Variants in B3GALT1 observed in about 807,000 individuals in gnomAD.
The protein encoded by B3GALT1 is beta-1,3-galactosyltransferase 1.
B3GALT1 carries 10 observed loss-of-function variants against 23.2 expected under a neutral mutation model. The observed-to-expected ratio is 0.43, with a 90% CI of 0.27 to 0.73. The LOEUF is 0.73. Ranked by LOEUF, B3GALT1 falls within the 30% of genes least tolerant of loss-of-function variation. The probability of loss-of-function intolerance (pLI) is 0.21; values close to 1 mark genes in which losing one functional copy is unlikely to be tolerated. For synonymous variants in B3GALT1, 156 were observed against 141.5 expected (o/e 1.10, Z -0.73); for missense variants, 299 against 405.4 (o/e 0.74, Z 2.25).
chr2:167,468,000 A>G (rs937758817), intron 1 of B3GALT1, among the ~76,000 whole-genome samples: 1 of 152,198 alleles, frequency 6.6e-6, no homozygotes, highest in African/African-American at 2.4e-5. Flanking sequence ...TAGTGCTTGA[A>G]AGAAGTAAAA....
At chr2:167,342,243 A>T (rs1332344173) in intron 1 of B3GALT1, among the ~76,000 whole-genome samples, 1 of 152,226 alleles carries the variant, frequency 6.6e-6, no homozygotes, top group Non-Finnish European at 1.5e-5. Flanking sequence ...GTCGAAGAAA[A>T]GTCAAAAGAT....
chr2:167,497,528 T>C (rs1699797718), intron 2 of B3GALT1, among the ~76,000 whole-genome samples: 2 of 152,148 alleles, frequency 1.3e-5, no homozygotes, highest in African/African-American at 4.8e-5. Context: ...TGTTCCTTCT[T>C]AGAAGTTCTG....
chr2:167,395,285 T>A (rs1172626823), intron 1 of B3GALT1, among the ~76,000 whole-genome samples: 1 of 152,070 alleles, frequency 6.6e-6, no homozygotes, highest in Non-Finnish European at 1.5e-5. Flanking sequence ...GTGATCAAGT[T>A]AAGGAACTTG....
chr2:167,746,991 T>C (rs1687662645), intron 3 of B3GALT1, among the ~76,000 whole-genome samples: 1 of 152,226 alleles, frequency 6.6e-6, no homozygotes, highest in African/African-American at 2.4e-5. Context: ...CTGCCCTTTT[T>C]CGCTCCCTTT....
At position 167,408,917 on chromosome 2, in the gene B3GALT1, A is replaced by G. The variant is rs11895022; in HGVS notation, c.-510-81260A>G. Among the ~76,000 whole-genome samples, 419 of 152,316 alleles carry G rather than the reference A, an allele frequency of 2.8e-3. 1 individual carries two copies. The highest frequency in any genetic ancestry group is 9.3e-3 in the African/African-American group (388 of 41,584). On this transcript the variant is annotated intron_variant, in intron 1 of 4. Coordinates refer to ENST00000392690, the MANE Select transcript of B3GALT1 (RefSeq NM_020981.4). Reference sequence around the variant, plus strand: ...TATTGCATGTTCATGGGTTGGAAGAATTAATATTGTGAAAATGGGCAATAC... The same window carrying G: ...TATTGCATGTTCATGGGTTGGAAGAGTTAATATTGTGAAAATGGGCAATAC...
At chr2:167,556,387 T>C (rs1273526061) in intron 2 of B3GALT1, among the ~76,000 whole-genome samples, 4 of 152,078 alleles carry the variant, frequency 2.6e-5, no homozygotes, top group Non-Finnish European at 4.4e-5. Flanking sequence ...TATTTATCTA[T>C]AATGAACAAT....
At chr2:167,767,493 C>T (rs1687997964) in intron 3 of B3GALT1, among the ~76,000 whole-genome samples, 1 of 152,140 alleles carries the variant, frequency 6.6e-6, no homozygotes, top group African/African-American at 2.4e-5. Flanking sequence ...TTTCAAACTG[C>T]TGTCTTATCC....
chr2:167,409,389 A>G (rs1298218355), intron 1 of B3GALT1, among the ~76,000 whole-genome samples: 1 of 152,158 alleles, frequency 6.6e-6, no homozygotes, highest in Non-Finnish European at 1.5e-5. Flanking sequence ...AGGTACGCCA[A>G]TTAATCATAG....
intron 1 of B3GALT1, among the ~76,000 whole-genome samples, chr2:167,365,061 T>C (rs1169662512): frequency 6.6e-6 from 1 of 152,144 alleles, no homozygotes; most frequent in Non-Finnish European, 1.5e-5. Flanking sequence ...ACTTTTCCGA[T>C]GGGTGTTGCG....
intron 2 of B3GALT1, among the ~76,000 whole-genome samples, chr2:167,645,316 C>A (rs1685729666): frequency 6.6e-6 from 1 of 152,098 alleles, no homozygotes; most frequent in African/African-American, 2.4e-5. Context: ...TTTTAAATTT[C>A]TTGGCAATAT....
intron 2 of B3GALT1, among the ~76,000 whole-genome samples, chr2:167,560,157 T>C (rs962520441): frequency 7.9e-5 from 12 of 152,232 alleles, no homozygotes; most frequent in Non-Finnish European, 1.6e-4. Flanking sequence ...TATTCAACAT[T>C]CTTGAAGAAA....
At position 167,728,819 on chromosome 2, in the gene B3GALT1, T is replaced by C. The variant is rs534673782; in HGVS notation, c.-352+81853T>C. Among the ~76,000 whole-genome samples, 8 of 152,316 alleles carry C rather than the reference T, an allele frequency of 5.3e-5. No homozygotes were observed. In the South Asian group the frequency reaches 1.2e-3, roughly 24 times the overall value. On this transcript the variant is annotated intron_variant, in intron 3 of 4. Coordinates refer to ENST00000392690, the MANE Select transcript of B3GALT1 (RefSeq NM_020981.4). ...TAGGTTTTTTTCAAAATTTCTCTAA[T>C]TGGGGCTTGCAGTATATACCTTTGT...
intron 1 of B3GALT1, among the ~76,000 whole-genome samples, chr2:167,456,375 C>G (rs1446598461): frequency 6.6e-6 from 1 of 152,162 alleles, no homozygotes; most frequent in Non-Finnish European, 1.5e-5. Context: ...CCACCAGGCC[C>G]CACCTACAAC....
In B3GALT1 at chr2:167,641,118, A is replaced by G. The variant is rs532891708; in HGVS notation, c.-409-5791A>G. 9.8e-5 allele frequency among the ~76,000 whole-genome samples: 15 copies of G among 152,294 alleles called. No individual in the cohort carries two copies. In the East Asian group the frequency reaches 2.9e-3, roughly 29 times the overall value. On this transcript the variant is annotated intron_variant, in intron 2 of 4. Coordinates refer to ENST00000392690, the MANE Select transcript of B3GALT1 (RefSeq NM_020981.4). ...CTAAAATATAGAGGTTAAGAAATAC[A>G]AAGTATGCTGTCAAAGTGCTTATGG...
chr2:167,811,031 G>T (rs560045893), intron 3 of B3GALT1, among the ~76,000 whole-genome samples: 1 of 152,300 alleles, frequency 6.6e-6, no homozygotes, highest in Non-Finnish European at 1.5e-5. Flanking sequence ...TGTGGAGGTA[G>T]CAAGAAGTGG....
At chr2:167,307,641 C>T (rs997883546) in intron 1 of B3GALT1, among the ~76,000 whole-genome samples, 3 of 151,970 alleles carry the variant, frequency 2.0e-5, no homozygotes, top group African/African-American at 7.2e-5. Flanking sequence ...GGACTGTCAT[C>T]AGAAAATATT....
In B3GALT1 at chr2:167,623,717, G is replaced by A. The variant is rs997409980; in HGVS notation, c.-409-23192G>A. ...GTGTACCTATGTAACAAACCTGCAC[G>A]TTCTGTGCATATATCCCAGAACTTA... On this transcript the variant is annotated intron_variant, in intron 2 of 4. Transcript: ENST00000392690. Among the ~76,000 whole-genome samples, 9 of 151,878 alleles carry A rather than the reference G, an allele frequency of 5.9e-5. 1 individual carries two copies. The highest frequency in any genetic ancestry group is 2.2e-4 in the African/African-American group (9 of 41,374).
At chr2:167,388,254 T>C (rs1697956048) in intron 1 of B3GALT1, among the ~76,000 whole-genome samples, 1 of 152,222 alleles carries the variant, frequency 6.6e-6, no homozygotes, top group Admixed American at 6.5e-5. Context: ...AAATAAACTT[T>C]ACCTGGTAGG....
intron 2 of B3GALT1, among the ~76,000 whole-genome samples, chr2:167,574,090 A>G (rs1315473197): frequency 1.3e-5 from 2 of 151,696 alleles, no homozygotes; most frequent in African/African-American, 2.4e-5. Context: ...ACAGAACTTT[A>G]CTATCCATCA....
Sources: allele counts gnomAD v4.1 joint callset (sites outside exome capture counted in the v4.1 genomes callset), GRCh38; gene constraint gnomAD v4.1.1; transcripts MANE v1.5; gene names NCBI Gene and HGNC (gene_info 2026-07-23, HGNC 2026-07-21).